Variants in FAM9C observed in about 807,000 individuals in gnomAD.
FAM9C encodes family with sequence similarity 9 member C.
FAM9C carries 15 observed loss-of-function variants against 14.8 expected under a neutral mutation model. The ratio of observed to expected loss-of-function variants is 1.02; its 90% CI spans 0.68 to 1.56. FAM9C has a LOEUF of 1.56. FAM9C is among the 40% of genes most tolerant of loss of function. The pLI, the probability that FAM9C is intolerant of heterozygous loss-of-function variation, is 0.00. For synonymous variants in FAM9C, 45 were observed against 37.5 expected (o/e 1.20, Z -0.74); for missense variants, 116 against 118.0 (o/e 0.98, Z 0.08).
intron 4 of FAM9C, chrX:13,041,524 T>A (rs2043527572): frequency 9.0e-6 from 1 of 111,723 alleles, no homozygotes. Context: ...AAAGGACATG[T>A]TTCCGTGAAA....
chrX:13,043,256 A>C lies in FAM9C; in HGVS notation c.62-8T>G. ...GACTTACTGGATCCTTTCCTGCATT[A>C]AAATAAAAAAGACAAACCTTTTTTA... On this transcript the variant is annotated splice_polypyrimidine_tract_variant and splice_region_variant and intron_variant, in intron 2 of 7. Transcript: ENST00000380625. 1 of 1,190,915 alleles carries C rather than the reference A, an allele frequency of 8.4e-7. No individual in the cohort carries two copies. The highest frequency in any genetic ancestry group is 1.1e-6 in the Non-Finnish European group (1 of 888,728).
rs767055643 is a variant in FAM9C, at chrX:13,042,914, A to G, written c.214+4T>C. The G allele has an allele frequency of 8.3e-7, 1 of 1,206,986 alleles. No homozygotes were observed. The highest frequency in any genetic ancestry group is 1.1e-6 in the Non-Finnish European group (1 of 893,663). On this transcript the variant is annotated splice_donor_region_variant and intron_variant, in intron 4 of 7. Transcript: ENST00000380625. ...ATAAACCACAAATAGCTCGTAAAAC[A>G]TACCTGCAATATCTTCTAGCTCCTT...
intron 6 of FAM9C, 108 bp downstream of exon 6, chrX:13,039,700 C>T: frequency 9.2e-7 from 1 of 1,089,692 alleles, no homozygotes. Context: ...ATGGGCGACC[C>T]TCTCTGGGCT....
chrX:13,043,236 A>G lies in FAM9C; in HGVS notation c.74T>C (p.Val25Ala). The stretch of plus-strand genomic sequence containing the variant: ...TTTTCTTTCCTCATGCTCATGACTT[A>G]CTGGATCCTTTCCTGCATTAAAATA... ...QEMELAGKDPVSHEHEERKPV... is the reference protein window; with the variant it reads ...QEMELAGKDPASHEHEERKPV... The change falls in exon 3 of 8, where the codon GTA (valine) becomes GCA (alanine). Residue 25 changes from valine (V) to alanine (A), a missense_variant. Val to Ala is a moderately conservative substitution (Grantham distance 64). Coordinates refer to ENST00000380625, the MANE Select transcript of FAM9C (RefSeq NM_174901.6). 2.5e-6 allele frequency: 3 copies of G among 1,203,160 alleles called. No individual in the cohort carries two copies. The highest frequency in any genetic ancestry group is 3.4e-6 in the Non-Finnish European group (3 of 892,731).
chrX:13,040,278 T>C, intron 5 of FAM9C: 1 of 750,040 alleles, frequency 1.3e-6, no homozygotes, highest in Non-Finnish European at 1.6e-6. Flanking sequence ...TAGCCATTCA[T>C]CCCGTAAGAT....
chrX:13,043,504 C>A (rs899786862), intron 2 of FAM9C, among the ~76,000 whole-genome samples: 6 of 112,656 alleles, frequency 5.3e-5, no homozygotes, highest in Non-Finnish European at 7.5e-5. Flanking sequence ...TGGAGAAGAG[C>A]TGCTCTGAGA....
In FAM9C at chrX:13,038,518, CA is replaced by C; in HGVS notation, c.439-16del. 1.7e-6 allele frequency: 2 copies of C among 1,190,993 alleles called. No individual in the cohort carries two copies. The highest frequency in any genetic ancestry group is 2.3e-6 in the Non-Finnish European group (2 of 884,467). On this transcript the variant is annotated splice_polypyrimidine_tract_variant and intron_variant, in intron 6 of 7. Coordinates refer to ENST00000380625, the MANE Select transcript of FAM9C (RefSeq NM_174901.6). ...TGAAATATTTTCTAGAGGCACAAAACAAAAAAGTGATTAAAATTGGGTAAAT... is the reference window on the plus strand; with the variant it reads ...TGAAATATTTTCTAGAGGCACAAAACAAAAAGTGATTAAAATTGGGTAAAT...
chrX:13,039,069 C>T lies in FAM9C; in HGVS notation c.439-566G>A, dbSNP rs146332342. Among the ~76,000 whole-genome samples the T allele has an allele frequency of 7.2e-3, 799 of 111,459 alleles. 5 individuals are homozygous for T. The highest frequency in any genetic ancestry group is 0.025 in the African/African-American group (758 of 30,642). On this transcript the variant is annotated intron_variant, in intron 6 of 7. Transcript: ENST00000380625. ...GATAAACAGCAACCATGGGTCAGAT[C>T]GCATCCTGAAAAATTTAAATAAACC... is the stretch of plus-strand genomic sequence containing the variant.
intron 5 of FAM9C, 79 bp downstream of exon 5, chrX:13,040,675 AGGAT>A (rs1194799796): frequency 1.5e-6 from 1 of 659,460 alleles, no homozygotes; most frequent in Non-Finnish European, 2.3e-6. Flanking sequence ...CAATATGTAC[AGGAT>A]AGTTCTGGAA....
At chrX:13,043,685 G>A (rs763617521) in intron 2 of FAM9C, 44 bp downstream of exon 2, 3 of 1,198,567 alleles carry the variant, frequency 2.5e-6, no homozygotes, top group Admixed American at 4.3e-5. Flanking sequence ...CAGACAGACT[G>A]TTGGGCGTGC....
Position 13,043,742 on chromosome X carries a change from T to A in FAM9C, c.48A>T (p.Glu16Asp). The A allele has an allele frequency of 8.3e-7, 1 of 1,211,942 alleles. No individual in the cohort carries two copies. Among genetic ancestry groups the A allele is most frequent in the Non-Finnish European group, 1.1e-6 (1 of 895,449 alleles). ...GGCTGTGTTTACCTGCAAGCTCCAT[T>A]TCCTGGGCGGCCATAACTTGAACCT... ...QLEVQVMAAQ[E>D]MELAGKDPVS... The change falls in exon 2 of 8, where the codon GAA (glutamate) becomes GAT (aspartate). Residue 16 changes from glutamate to aspartate, a missense_variant. By Grantham distance (45) the Glu-to-Asp change is conservative. Coordinates refer to ENST00000380625, the MANE Select transcript of FAM9C (RefSeq NM_174901.6).
intron 1 of FAM9C, among the ~76,000 whole-genome samples, 172 bp from the exon 2 acceptor site, chrX:13,044,029 C>A (rs1192877770): frequency 8.9e-6 from 1 of 112,866 alleles, no homozygotes; most frequent in African/African-American, 3.2e-5. Flanking sequence ...TTCCCCGGGG[C>A]TGGCTGCAGA....
At chrX:13,039,391 T>A (rs2043506585) in intron 6 of FAM9C, among the ~76,000 whole-genome samples, 1 of 111,109 alleles carries the variant, frequency 9.0e-6, no homozygotes, top group Admixed American at 9.6e-5. Context: ...CTGACGCCTA[T>A]TGAATGGAGC....
rs772460027 is a variant in FAM9C at position 13,043,759 on chromosome X, C to T, written c.31G>A (p.Val11Ile). The change falls in exon 2 of 8, where the codon GTT (valine) becomes ATT (isoleucine). Residue 11 changes from valine (V) to isoleucine (I), a missense_variant. Coordinates refer to ENST00000380625, the MANE Select transcript of FAM9C (RefSeq NM_174901.6). ...AGCTCCATTTCCTGGGCGGCCATAA[C>T]TTGAACCTCCAACTGGTCCTTGGCA... MAAKDQLEVQVMAAQEMELAG... is the reference protein window; with the variant it reads MAAKDQLEVQIMAAQEMELAG... 73 of 1,211,165 alleles carry T rather than the reference C, an allele frequency of 6.0e-5. No individual in the cohort carries two copies. The highest frequency in any genetic ancestry group is 7.5e-5 in the Non-Finnish European group (67 of 895,408).
chrX:13,039,312 T>C (rs4830822), intron 6 of FAM9C, among the ~76,000 whole-genome samples: 48,969 of 110,236 alleles, frequency 0.44, 8,215 homozygotes, highest in East Asian at 0.65. Context: ...CTTCCCAACA[T>C]ACAGCCACTA....
At chrX:13,042,697 G>A in intron 4 of FAM9C, 1 of 446,769 alleles carries the variant, frequency 2.2e-6, no homozygotes, top group East Asian at 3.9e-5. Flanking sequence ...TGAAAGAAAA[G>A]CCACCCCTCT....
intron 5 of FAM9C, 101 bp downstream of exon 5, chrX:13,040,657 A>C: frequency 1.9e-5 from 10 of 540,215 alleles, no homozygotes; most frequent in Non-Finnish European, 2.8e-5. Flanking sequence ...GTTGTTCCCT[A>C]GAGACACCAA....
At chrX:13,042,797 G>A in intron 4 of FAM9C, 121 bp downstream of exon 4, 1 of 727,211 alleles carries the variant, frequency 1.4e-6, no homozygotes. Flanking sequence ...TACATTAAAT[G>A]CTATATATGA....
intron 5 of FAM9C, chrX:13,040,269 A>G (rs2043514636): frequency 1.3e-6 from 1 of 744,587 alleles, no homozygotes; most frequent in Admixed American, 8.7e-5. Flanking sequence ...AGAATATCAT[A>G]GCCATTCATC....
Sources: allele counts gnomAD v4.1 joint callset (sites outside exome capture counted in the v4.1 genomes callset), GRCh38; gene constraint gnomAD v4.1.1; transcripts MANE v1.5; gene names NCBI Gene and HGNC (gene_info 2026-07-23, HGNC 2026-07-21).